RBFOX1: variants seen among roughly 807,000 people sequenced by gnomAD.
RBFOX1 encodes RNA binding protein fox-1 homolog 1.
RBFOX1 carries 8 observed loss-of-function variants against 57.7 expected under a neutral mutation model. The observed-to-expected ratio is 0.14, with a 90% CI of 0.08 to 0.25. The LOEUF is 0.25. Among genes scored for constraint, RBFOX1 ranks in the 10% least tolerant of loss-of-function variants. The pLI is 1.00. For synonymous variants in RBFOX1, 326 were observed against 222.4 expected, an observed-to-expected ratio of 1.47 and a Z score of -4.15; for missense variants, 611 against 548.5, an observed-to-expected ratio of 1.11 and a Z score of -1.14.
rs534819202 is a variant in RBFOX1, at chr16:6,546,963, A to G, written c.-63-107640A>G. ...GGTCCGTAGATTCAATTAACTTTCA[A>G]AAAGTGAAGTAGGGCTCTTTTTCTT... is the stretch of plus-strand genomic sequence containing the variant. On this transcript the variant is annotated intron_variant, in intron 2 of 15. Coordinates refer to ENST00000550418, the MANE Select transcript of RBFOX1 (RefSeq NM_018723.4). Among the ~76,000 whole-genome samples, 30 of 152,312 alleles carry G rather than the reference A, an allele frequency of 2.0e-4. No homozygotes were observed. The East Asian group carries it at 5.2e-3, about 27-fold the overall frequency.
intron 14 of RBFOX1, among the ~76,000 whole-genome samples, chr16:7,695,181 A>C (rs1426873204): frequency 6.6e-6 from 1 of 152,122 alleles, no homozygotes; most frequent in Non-Finnish European, 1.5e-5. Flanking sequence ...GGCCATTTTA[A>C]TATTATGTTG....
chr16:7,036,743 AAAG>A (rs1002250137), intron 3 of RBFOX1, among the ~76,000 whole-genome samples: 27 of 119,150 alleles, frequency 2.3e-4, no homozygotes, highest in African/African-American at 4.8e-4. Context: ...AGAAAAAAAA[AAAG>A]AAAGAATTCA....
chr16:6,534,939 G>A (rs1317596702), intron 2 of RBFOX1, among the ~76,000 whole-genome samples: 3 of 152,170 alleles, frequency 2.0e-5, no homozygotes, highest in Non-Finnish European at 4.4e-5. Context: ...TCAACATACA[G>A]AAAACTTGTT....
At chr16:5,510,598 G>A (rs1041970707) in intron 2 of RBFOX1, among the ~76,000 whole-genome samples, 1 of 152,130 alleles carries the variant, frequency 6.6e-6, no homozygotes, top group Non-Finnish European at 1.5e-5. Context: ...TAGGGCTTAG[G>A]GGGAGATGAA....
rs1272470035 is a variant in RBFOX1, at chr16:6,183,934, C to G, written c.-126-133061C>G. Among the ~76,000 whole-genome samples, 5 of 152,120 alleles carry G rather than the reference C, an allele frequency of 3.3e-5. No homozygotes were observed. The East Asian group carries it at 7.7e-4, about 23-fold the overall frequency. On this transcript the variant is annotated intron_variant, in intron 1 of 15. Coordinates refer to ENST00000550418, the MANE Select transcript of RBFOX1 (RefSeq NM_018723.4). ...GATGTATTAGTCCATTTTCACACTGCTGGTAAAGACATACCTGAGAGTGGG... is the reference window on the plus strand; with the variant it reads ...GATGTATTAGTCCATTTTCACACTGGTGGTAAAGACATACCTGAGAGTGGG...
chr16:7,574,696 C>G (rs937406112), intron 5 of RBFOX1, among the ~76,000 whole-genome samples: 1 of 152,182 alleles, frequency 6.6e-6, no homozygotes, highest in South Asian at 2.1e-4. Context: ...GGCCAGTCCA[C>G]TGACTTGAAT....
chr16:7,518,060 CG>C (rs764498727), intron 4 of RBFOX1, 86 bp from the exon 5 acceptor site: 2 of 1,496,614 alleles, frequency 1.3e-6, no homozygotes, highest in Non-Finnish European at 1.8e-6. Flanking sequence ...ACGCGGGGCA[CG>C]ATCGTCCTGG....
At chr16:5,817,899 C>T (rs1380147668) in intron 3 of RBFOX1, among the ~76,000 whole-genome samples, 2 of 151,948 alleles carry the variant, frequency 1.3e-5, no homozygotes, top group Non-Finnish European at 2.9e-5. Flanking sequence ...ACCGTGTTAG[C>T]CAGGATGGTC....
chr16:7,700,826 T>A (rs1039261161), intron 14 of RBFOX1, among the ~76,000 whole-genome samples: 2 of 151,024 alleles, frequency 1.3e-5, no homozygotes, highest in African/African-American at 4.8e-5. Context: ...TAGGAAGAGG[T>A]TTTCAGAATA....
chr16:5,362,837 C>T (rs2065592058), intron 1 of RBFOX1, among the ~76,000 whole-genome samples: 1 of 152,104 alleles, frequency 6.6e-6, no homozygotes, highest in Admixed American at 6.5e-5. Flanking sequence ...AGCATAATGT[C>T]TCCCCATATT....
chr16:6,711,453 G>A (rs985941678), intron 3 of RBFOX1, among the ~76,000 whole-genome samples: 6 of 152,116 alleles, frequency 3.9e-5, no homozygotes, highest in African/African-American at 1.4e-4. Flanking sequence ...TAATCCCCAC[G>A]TGTCAAGGGA....
intron 4 of RBFOX1, among the ~76,000 whole-genome samples, chr16:7,210,769 C>T (rs1275808970): frequency 1.3e-5 from 2 of 151,994 alleles, no homozygotes; most frequent in East Asian, 1.9e-4. Flanking sequence ...AATGACATGT[C>T]CAAGGTCACA....
At chr16:5,921,299 C>G (rs1417285642) in intron 4 of RBFOX1, among the ~76,000 whole-genome samples, 2 of 152,166 alleles carry the variant, frequency 1.3e-5, no homozygotes, top group African/African-American at 2.4e-5. Flanking sequence ...CAGAGATTGT[C>G]TTTCTTTACT....
At position 5,865,123 on chromosome 16, in the gene RBFOX1, A is replaced by G. The variant is rs35969947; in HGVS notation, c.319-2180A>G. 3.1e-3 allele frequency among the ~76,000 whole-genome samples: 467 copies of G among 152,278 alleles called. 7 individuals are homozygous for G. Among genetic ancestry groups the G allele is most frequent in the East Asian group, 0.014 (71 of 5,178 alleles). On this transcript the variant is annotated intron_variant, in intron 3 of 19. Coordinates refer to the RBFOX1 transcript ENST00000641259. Reference sequence around the variant, plus strand: ...GGGGGACATCAGAGTAGTCAGCTGAAAACTCTTTTGCCCATGGAGCTTAGT... The same window carrying G: ...GGGGGACATCAGAGTAGTCAGCTGAGAACTCTTTTGCCCATGGAGCTTAGT...
chr16:7,291,079 A>G (rs1006659152), intron 4 of RBFOX1, among the ~76,000 whole-genome samples: 1 of 152,212 alleles, frequency 6.6e-6, no homozygotes, highest in Admixed American at 6.5e-5. Flanking sequence ...ATATTTGGAG[A>G]TGTTTTAACA....
chr16:6,522,958 G>A (rs1598835056), intron 2 of RBFOX1, among the ~76,000 whole-genome samples: 1 of 152,068 alleles, frequency 6.6e-6, no homozygotes, highest in Non-Finnish European at 1.5e-5. Flanking sequence ...TGTTGTCCAG[G>A]TTCTTTAAAG....
chr16:7,360,093 CT>C (rs536036950), intron 4 of RBFOX1, among the ~76,000 whole-genome samples: 25 of 152,262 alleles, frequency 1.6e-4, no homozygotes, highest in Middle Eastern at 3.4e-3. Context: ...TTCCCTCCCC[CT>C]ATGATGAAAA....
intron 4 of RBFOX1, among the ~76,000 whole-genome samples, chr16:7,218,938 A>G (rs1041323835): frequency 1.3e-5 from 2 of 152,078 alleles, no homozygotes; most frequent in African/African-American, 2.4e-5. Flanking sequence ...GGGCAGGCAT[A>G]TGGTCTGTGC....
At chr16:5,254,615 G>C (rs1278657603) in intron 1 of RBFOX1, among the ~76,000 whole-genome samples, 1 of 151,978 alleles carries the variant, frequency 6.6e-6, no homozygotes, top group Non-Finnish European at 1.5e-5. Flanking sequence ...TTCTCTGTTC[G>C]AGATTGCTTA....
Sources: allele counts gnomAD v4.1 joint callset (sites outside exome capture counted in the v4.1 genomes callset), GRCh38; gene constraint gnomAD v4.1.1; transcripts MANE v1.5; gene names NCBI Gene and HGNC (gene_info 2026-07-23, HGNC 2026-07-21).